GALNTL6: variants seen among roughly 807,000 people sequenced by gnomAD.
The protein encoded by GALNTL6 is polypeptide N-acetylgalactosaminyltransferase like 6, also known as polypeptide N-acetylgalactosaminyltransferase-like 6.
Under a neutral mutation model 73.7 loss-of-function variants are expected in GALNTL6, and 46 were observed. The ratio of observed to expected loss-of-function variants is 0.62; its 90% CI spans 0.49 to 0.80. The LOEUF (loss-of-function observed/expected upper bound fraction) is 0.80. Among genes scored for constraint, GALNTL6 ranks in the 30% least tolerant of loss-of-function variants. The probability of loss-of-function intolerance (pLI) is 0.00; values close to 1 mark genes in which losing one functional copy is unlikely to be tolerated. For synonymous variants in GALNTL6, 259 were observed against 263.7 expected (o/e 0.98, Z 0.17); for missense variants, 604 against 755.0 (o/e 0.80, Z 2.34).
intron 8 of GALNTL6, among the ~76,000 whole-genome samples, chr4:172,895,479 G>C (rs949651966): frequency 1.3e-5 from 2 of 151,210 alleles, no homozygotes; most frequent in Admixed American, 6.6e-5. Context: ...TAAGAAGCCT[G>C]CTGTCAGGCA....
chr4:172,424,551 C>T (rs1333250240), intron 5 of GALNTL6, among the ~76,000 whole-genome samples: 1 of 152,098 alleles, frequency 6.6e-6, no homozygotes, highest in Admixed American at 6.6e-5. Flanking sequence ...AAATGTGTTT[C>T]TAACTCATGT....
intron 5 of GALNTL6, among the ~76,000 whole-genome samples, chr4:172,527,870 T>C (rs1410947125): frequency 6.6e-6 from 1 of 152,152 alleles, no homozygotes; most frequent in Admixed American, 6.6e-5. Context: ...CCATTATGTG[T>C]TGGGAATGAT....
chr4:172,836,612 C>T (rs1397830121), intron 7 of GALNTL6, among the ~76,000 whole-genome samples: 4 of 152,140 alleles, frequency 2.6e-5, no homozygotes, highest in Admixed American at 2.6e-4. Flanking sequence ...TATGCTTTTA[C>T]CTAATTGAAA....
chr4:172,419,442 G>T (rs944817132), intron 5 of GALNTL6, among the ~76,000 whole-genome samples: 1 of 152,062 alleles, frequency 6.6e-6, no homozygotes, highest in Non-Finnish European at 1.5e-5. Context: ...GGATATTTTC[G>T]ATTTCTTTCT....
In GALNTL6 at chr4:173,015,729, G is replaced by A. The variant is rs115026296; in HGVS notation, c.1489-5747G>A. Among the ~76,000 whole-genome samples, 1,392 of 152,210 alleles carry A rather than the reference G, an allele frequency of 9.1e-3. 21 individuals carry two copies. The highest frequency in any genetic ancestry group is 0.03 in the African/African-American group (1,267 of 41,542). On this transcript the variant is annotated intron_variant, in intron 11 of 12. Coordinates refer to ENST00000506823, the MANE Select transcript of GALNTL6 (RefSeq NM_001034845.3). ...AAATTTGGAAAATTTGCAGCCTAACGATGAGATAGAAAAAAAAATTTCTGG... is the reference window on the plus strand; with the variant it reads ...AAATTTGGAAAATTTGCAGCCTAACAATGAGATAGAAAAAAAAATTTCTGG...
At chr4:172,987,965 T>C (rs1751365956) in intron 10 of GALNTL6, among the ~76,000 whole-genome samples, 1 of 152,224 alleles carries the variant, frequency 6.6e-6, no homozygotes, top group African/African-American at 2.4e-5. Flanking sequence ...TTCAGGTATT[T>C]ATTTAAAGCA....
intron 5 of GALNTL6, among the ~76,000 whole-genome samples, chr4:172,546,819 C>CGTATATATATGT (rs1735784555): frequency 1.5e-4 from 1 of 6,814 alleles, no homozygotes; most frequent in Non-Finnish European, 2.8e-4. Flanking sequence ...TATATATATA[C>CGTATATATATGT]GTATATGTAT....
intron 2 of GALNTL6, among the ~76,000 whole-genome samples, chr4:171,848,955 G>A (rs866462160): frequency 6.6e-6 from 1 of 151,968 alleles, no homozygotes; most frequent in African/African-American, 2.4e-5. Context: ...AAATGTAAGA[G>A]GTACAAGTGT....
chr4:173,010,800 G>GT lies in GALNTL6; in HGVS notation c.1488+1508dup, dbSNP rs1399388167. Among the ~76,000 whole-genome samples, 21 of 147,786 alleles carry GT rather than the reference G, an allele frequency of 1.4e-4. No homozygotes were observed. The South Asian group carries it at 2.8e-3, about 20-fold the overall frequency. ...TTTTTTTTTTTTAGTAGAGACAGGG[G>GT]TTCACCATGTTGGCCAGAATGGTCT... On this transcript the variant is annotated intron_variant, in intron 11 of 12. Transcript: ENST00000506823.
intron 4 of GALNTL6, among the ~76,000 whole-genome samples, chr4:172,313,944 G>A (rs975770945): frequency 7.2e-5 from 11 of 152,302 alleles, no homozygotes; most frequent in Admixed American, 3.9e-4. Context: ...GAAGCCTGAT[G>A]TCACCTCTGA....
At chr4:172,148,280 C>G (rs1015747138) in intron 2 of GALNTL6, among the ~76,000 whole-genome samples, 5 of 152,072 alleles carry the variant, frequency 3.3e-5, no homozygotes, top group Non-Finnish European at 5.9e-5. Flanking sequence ...ATAATCTCTA[C>G]TTGATTGTTT....
chr4:172,979,168 T>G lies in GALNTL6; in HGVS notation c.1371+26910T>G, dbSNP rs558221841. On this transcript the variant is annotated intron_variant, in intron 10 of 12. Coordinates refer to ENST00000506823, the MANE Select transcript of GALNTL6 (RefSeq NM_001034845.3). The stretch of plus-strand genomic sequence containing the variant: ...GTTAACAGTAACTGGAGTGTTGGGG[T>G]TTTTTAATGGCCCCTGGCCATATCA... Among the ~76,000 whole-genome samples, 43 of 152,222 alleles carry G rather than the reference T, an allele frequency of 2.8e-4. 1 individual carries two copies. The East Asian group carries it at 8.3e-3, about 29-fold the overall frequency.
chr4:172,915,996 A>C (rs1322511143), intron 8 of GALNTL6, among the ~76,000 whole-genome samples: 3 of 152,226 alleles, frequency 2.0e-5, no homozygotes, highest in Non-Finnish European at 4.4e-5. Flanking sequence ...AAAAATCCTC[A>C]ATAAAATACT....
intron 5 of GALNTL6, chr4:172,666,686 A>G (rs1297965397): frequency 6.6e-6 from 1 of 152,162 alleles, no homozygotes; most frequent in African/African-American, 2.4e-5. Flanking sequence ...CCTGAATGAG[A>G]ACCTAGTTTA....
intron 7 of GALNTL6, among the ~76,000 whole-genome samples, chr4:172,866,996 G>A (rs545896287): frequency 2.6e-5 from 4 of 152,172 alleles, no homozygotes; most frequent in Admixed American, 6.5e-5. Context: ...ATAGCAAATA[G>A]ACAGGTGTGT....
At chr4:171,950,982 A>C (rs1004589787) in intron 2 of GALNTL6, among the ~76,000 whole-genome samples, 2 of 152,182 alleles carry the variant, frequency 1.3e-5, no homozygotes, top group African/African-American at 2.4e-5. Context: ...ACCTAGAAAA[A>C]GCAGGACACA....
chr4:172,804,987 A>T (rs1027967742), intron 5 of GALNTL6, among the ~76,000 whole-genome samples: 2 of 152,218 alleles, frequency 1.3e-5, no homozygotes, highest in African/African-American at 4.8e-5. Context: ...GGATGCTTTT[A>T]AAAGGAAAAA....
At chr4:172,315,432 T>A (rs1033370623) in intron 4 of GALNTL6, among the ~76,000 whole-genome samples, 2 of 152,148 alleles carry the variant, frequency 1.3e-5, no homozygotes, top group African/African-American at 4.8e-5. Context: ...CCTGGCTAAT[T>A]TTGTATTTTT....
chr4:172,490,679 A>G (rs866637428), intron 5 of GALNTL6, among the ~76,000 whole-genome samples: 6 of 152,266 alleles, frequency 3.9e-5, no homozygotes, highest in Middle Eastern at 3.4e-3. Context: ...GTCTCATTTT[A>G]ACAACAACAC....
Sources: gnomAD v4.1 joint callset for allele counts (sites outside exome capture counted in the v4.1 genomes callset) on GRCh38, gnomAD v4.1.1 for gene constraint, MANE v1.5 for transcripts, NCBI Gene and HGNC (gene_info 2026-07-23, HGNC 2026-07-21) for gene names.